Variants in ADAMTS16 observed in about 807,000 individuals in gnomAD.
ADAMTS16 encodes A disintegrin and metalloproteinase with thrombospondin motifs 16.
A neutral mutation model predicts 145.8 loss-of-function variants in ADAMTS16; 94 were observed. The observed-to-expected ratio is 0.64, with a 90% CI of 0.55 to 0.77. The LOEUF is 0.77. ADAMTS16 is among the 30% of genes least tolerant of loss of function. ADAMTS16 has a pLI of 0.00. For missense variants in ADAMTS16, 1,585 were observed against 1,591.5 expected, an observed-to-expected ratio of 1.00 and a Z score of 0.07; for synonymous variants, 659 against 604.3, an observed-to-expected ratio of 1.09 and a Z score of -1.33.
intron 11 of ADAMTS16, among the ~76,000 whole-genome samples, chr5:5,226,629 G>A (rs1021045171): frequency 1.3e-5 from 2 of 152,124 alleles, no homozygotes; most frequent in African/African-American, 4.8e-5. Context: ...TATCAGTTTA[G>A]ATGTGTGTGT....
chr5:5,181,190 T>A (rs1297820146), intron 3 of ADAMTS16, among the ~76,000 whole-genome samples: 1 of 152,088 alleles, frequency 6.6e-6, no homozygotes, highest in African/African-American at 2.4e-5. Context: ...CTCCCTGGAG[T>A]TGAATTGTGC....
intron 10 of ADAMTS16, among the ~76,000 whole-genome samples, chr5:5,211,907 T>C (rs1736279244): frequency 6.6e-6 from 1 of 152,194 alleles, no homozygotes; most frequent in African/African-American, 2.4e-5. Flanking sequence ...TCAGAGAATA[T>C]ACTCTACATG....
At chr5:5,199,028 G>T (rs1327667826) in intron 8 of ADAMTS16, among the ~76,000 whole-genome samples, 1 of 152,154 alleles carries the variant, frequency 6.6e-6, no homozygotes, top group Non-Finnish European at 1.5e-5. Context: ...TAGTGGCTTA[G>T]CTCTGCAAGA....
chr5:5,176,457 A>G (rs1351740438), intron 3 of ADAMTS16, among the ~76,000 whole-genome samples: 1 of 152,222 alleles, frequency 6.6e-6, no homozygotes. Flanking sequence ...TTGGCAAGAA[A>G]TCTTGGTAAA....
chr5:5,299,302 G>A (rs1353490430), intron 18 of ADAMTS16, among the ~76,000 whole-genome samples: 1 of 152,214 alleles, frequency 6.6e-6, no homozygotes, highest in Non-Finnish European at 1.5e-5. Flanking sequence ...TTGCTGATGT[G>A]AAAGCCACAA....
chr5:5,179,799 C>G (rs1735291314), intron 3 of ADAMTS16, among the ~76,000 whole-genome samples: 1 of 152,082 alleles, frequency 6.6e-6, no homozygotes, highest in African/African-American at 2.4e-5. Context: ...GGAGGTCTAC[C>G]CCCCATGGTG....
intron 15 of ADAMTS16, 108 bp downstream of exon 15, chr5:5,239,382 C>T (rs1454876866): frequency 1.5e-5 from 21 of 1,436,338 alleles, no homozygotes; most frequent in Non-Finnish European, 1.9e-5. Context: ...CCTTCCGCTG[C>T]CTCGCTTCCT....
At chr5:5,183,358 G>C (rs564559677) in intron 4 of ADAMTS16, among the ~76,000 whole-genome samples, 1 of 152,218 alleles carries the variant, frequency 6.6e-6, no homozygotes, top group African/African-American at 2.4e-5. Flanking sequence ...ACAGCTGCCC[G>C]AGGCTGCCGT....
At chr5:5,231,579 G>A (rs866888161) in intron 11 of ADAMTS16, among the ~76,000 whole-genome samples, 10 of 152,148 alleles carry the variant, frequency 6.6e-5, no homozygotes, top group East Asian at 1.9e-4. Flanking sequence ...CTTCTTCCTC[G>A]CAACAGACAG....
chr5:5,179,983 G>A (rs1735295759), intron 3 of ADAMTS16, among the ~76,000 whole-genome samples: 1 of 152,072 alleles, frequency 6.6e-6, no homozygotes. Flanking sequence ...TGTGTTTGGC[G>A]TTTTCTCAAG....
At chr5:5,311,318 C>CAA (rs759757342) in intron 21 of ADAMTS16, among the ~76,000 whole-genome samples, 1 of 99,060 alleles carries the variant, frequency 1.0e-5, no homozygotes, top group African/African-American at 3.7e-5. Context: ...AAAAAAAAAA[C>CAA]AAAAAAACAA....
chr5:5,226,683 T>C (rs2913616), intron 11 of ADAMTS16, among the ~76,000 whole-genome samples: 115,742 of 152,156 alleles, frequency 0.76, 44,586 homozygotes, highest in African/African-American at 0.89. Flanking sequence ...TGATGGCACC[T>C]CGTCTCCTCT....
At chr5:5,167,356 A>G (rs1734910688) in intron 3 of ADAMTS16, among the ~76,000 whole-genome samples, 1 of 152,236 alleles carries the variant, frequency 6.6e-6, no homozygotes, top group South Asian at 2.1e-4. Context: ...AATGAGATTC[A>G]TGTCTAAAGG....
intron 17 of ADAMTS16, among the ~76,000 whole-genome samples, chr5:5,261,662 T>C (rs1172232406): frequency 1.3e-5 from 2 of 152,106 alleles, no homozygotes; most frequent in Non-Finnish European, 2.9e-5. Context: ...ATTTTTGTAT[T>C]TTTAGTAGAG....
rs1366160 is a variant in ADAMTS16, at chr5:5,179,273, G to A, written c.502-2771G>A. ...CCCGGCCTTTCCCTTCTATCAGTCC[G>A]CTGCAACCTGCAGGGGAGATGCTGA... is the stretch of plus-strand genomic sequence containing the variant. On this transcript the variant is annotated intron_variant, in intron 3 of 22. Coordinates refer to ENST00000274181, the MANE Select transcript of ADAMTS16 (RefSeq NM_139056.4). Among the ~76,000 whole-genome samples the A allele has an allele frequency of 2.4e-3, 366 of 151,748 alleles. 2 individuals are homozygous for A. Among genetic ancestry groups the A allele is most frequent in the African/African-American group, 8.4e-3 (348 of 41,302 alleles).
Position 5,191,631 on chromosome 5 carries a change from G to A in ADAMTS16, c.1208-54G>A, listed in dbSNP as rs1223990180. ...AAGGGGTAGAAAATAAATATACTAT[G>A]CTTTATTTTATTACAACACCGCTAT... is the stretch of plus-strand genomic sequence containing the variant. On this transcript the variant is annotated intron_variant, in intron 7 of 22. Coordinates refer to ENST00000274181, the MANE Select transcript of ADAMTS16 (RefSeq NM_139056.4). 12 of 1,390,270 alleles carry A rather than the reference G, an allele frequency of 8.6e-6. No individual in the cohort carries two copies. The African/African-American group carries it at 1.4e-4, about 17-fold the overall frequency. The allele number at this position is 1,390,270 out of a possible 1,614,324, so 86.1% of individuals were successfully genotyped here.
chr5:5,186,482 T>C (rs1195053051), intron 5 of ADAMTS16, among the ~76,000 whole-genome samples: 2 of 84,784 alleles, frequency 2.4e-5, no homozygotes, highest in Admixed American at 3.0e-4. Context: ...TCATTTGACC[T>C]TCTCTATAAG....
chr5:5,307,476 T>A (rs992016432), intron 21 of ADAMTS16, among the ~76,000 whole-genome samples: 1 of 152,054 alleles, frequency 6.6e-6, no homozygotes, highest in Admixed American at 6.5e-5. Flanking sequence ...TTTGGAGAGA[T>A]GGAGGTGGAA....
intron 17 of ADAMTS16, among the ~76,000 whole-genome samples, chr5:5,253,219 G>A (rs1737680111): frequency 6.6e-6 from 1 of 152,210 alleles, no homozygotes; most frequent in South Asian, 2.1e-4. Flanking sequence ...TGTGTCCAAG[G>A]TGGTCAGTGG....
Sources: gnomAD v4.1 joint callset for allele counts (sites outside exome capture counted in the v4.1 genomes callset) on GRCh38, gnomAD v4.1.1 for gene constraint, MANE v1.5 for transcripts, NCBI Gene and HGNC (gene_info 2026-07-23, HGNC 2026-07-21) for gene names.